Variants in IP6K3 observed in about 807,000 individuals in gnomAD.
IP6K3 encodes ATP:1D-myo-inositol-hexakisphosphate phosphotransferase.
IP6K3 carries 20 observed loss-of-function variants against 28.8 expected under a neutral mutation model. That is an observed-to-expected ratio of 0.70 (90% CI 0.49 to 1.01). The LOEUF is 1.01. IP6K3 is among the 50% of genes least tolerant of loss of function. IP6K3 has a pLI of 0.00. For synonymous variants in IP6K3, 213 were observed against 221.3 expected (o/e 0.96, Z 0.33); for missense variants, 480 against 537.1 (o/e 0.89, Z 1.05).
chr6:33,749,947 G>A (rs1054303026), upstream of IP6K3, among the ~76,000 whole-genome samples: 1 of 152,030 alleles, frequency 6.6e-6, no homozygotes, highest in Non-Finnish European at 1.5e-5. Flanking sequence ...GCCACCATTC[G>A]GAGGAGAAAA....
intron 2 of IP6K3, among the ~76,000 whole-genome samples, chr6:33,732,163 G>T (rs111672328): frequency 6.6e-6 from 1 of 152,240 alleles, no homozygotes; most frequent in Non-Finnish European, 1.5e-5. Flanking sequence ...CCGGCAGCCT[G>T]GCAGGAGAGG....
chr6:33,736,667 A>G (rs1318965854), intron 1 of IP6K3, among the ~76,000 whole-genome samples: 1 of 152,054 alleles, frequency 6.6e-6, no homozygotes, highest in Non-Finnish European at 1.5e-5. Context: ...TGGCCTCCCA[A>G]AGTGCTGGGA....
the IP6K3 span, among the ~76,000 whole-genome samples, chr6:33,757,962 A>G: frequency 2.0e-5 from 3 of 152,216 alleles, no homozygotes; most frequent in Admixed American, 1.3e-4. Flanking sequence ...CTCTCAGATA[A>G]TGCCCTCCAC....
At position 33,725,468 on chromosome 6, in the gene IP6K3, G is replaced by A; in HGVS notation, c.738C>T (p.Cys246=). 6.2e-7 allele frequency: 1 copy of A among 1,612,450 alleles called. No homozygotes were observed. The highest frequency in any genetic ancestry group is 8.5e-7 in the Non-Finnish European group (1 of 1,179,888). ...GCATGCCGCAGATGCGCACACCCAGGCAGGCTGAGGTGCTCTGCGCACACT... is the reference window on the plus strand; with the variant it reads ...GCATGCCGCAGATGCGCACACCCAGACAGGCTGAGGTGCTCTGCGCACACT... The part of the protein sequence containing the change: ...MRKCAQSTSA[C]LGVRICGMQV... The change falls in exon 5 of 6, where the codon TGC becomes TGT. Residue 246 remains cysteine (C), a synonymous_variant. Transcript: ENST00000293756.
intron 1 of IP6K3, among the ~76,000 whole-genome samples, chr6:33,736,915 G>GC (rs939190479): frequency 6.6e-6 from 1 of 152,210 alleles, no homozygotes; most frequent in African/African-American, 2.4e-5. Context: ...GGACAGCCCA[G>GC]CACCCAGAGC....
chr6:33,739,282 C>T (rs1168627447), intron 1 of IP6K3: 1 of 152,118 alleles, frequency 6.6e-6, no homozygotes, highest in Admixed American at 6.6e-5. Context: ...AAAAAGAAAA[C>T]CTGGACTTGG....
At chr6:33,740,839 C>T (rs552809018) in intron 1 of IP6K3, among the ~76,000 whole-genome samples, 86 of 152,278 alleles carry the variant, frequency 5.6e-4, no homozygotes, top group Non-Finnish European at 1.1e-3. Flanking sequence ...AGGTGGCAGA[C>T]GAAACCACAA....
intron 2 of IP6K3, among the ~76,000 whole-genome samples, chr6:33,732,414 C>T (rs894826693): frequency 2.6e-5 from 4 of 152,232 alleles, no homozygotes; most frequent in Non-Finnish European, 4.4e-5. Flanking sequence ...CTTGTGGCAG[C>T]CTTGTGGGGA....
In IP6K3 at chr6:33,742,220, T is replaced by C. The variant is rs1766751548; in HGVS notation, c.-180+4538A>G. Reference sequence around the variant, plus strand: ...CTGGGACTCGGCCGTGATGAGTCTGTCTCACTCTGAAGTCGACGCCCATTC... The same window carrying C: ...CTGGGACTCGGCCGTGATGAGTCTGCCTCACTCTGAAGTCGACGCCCATTC... On this transcript the variant is annotated intron_variant, in intron 1 of 5. Coordinates refer to ENST00000293756, the MANE Select transcript of IP6K3 (RefSeq NM_054111.5). The surrounding 1 kb of genome is among the most constrained non-coding windows in gnomAD (Gnocchi z 4.5). Among the ~76,000 whole-genome samples the C allele has an allele frequency of 6.6e-6, 1 of 152,118 alleles. No homozygotes were observed. The highest frequency in any genetic ancestry group is 6.5e-5 in the Admixed American group (1 of 15,276).
At chr6:33,730,444 C>G (rs948133388) in intron 2 of IP6K3, among the ~76,000 whole-genome samples, 1 of 152,224 alleles carries the variant, frequency 6.6e-6, no homozygotes, top group Non-Finnish European at 1.5e-5. Context: ...CCATCCCAGG[C>G]TCCCGTGTCC....
At chr6:33,747,523 A>T (rs1766947120), upstream of IP6K3, among the ~76,000 whole-genome samples, 1 of 152,170 alleles carries the variant, frequency 6.6e-6, no homozygotes, top group Admixed American at 6.5e-5. The surrounding 1 kb of genome is among the most constrained non-coding windows in gnomAD (Gnocchi z 5.2). Flanking sequence ...GACTTTGCAG[A>T]GAGTGAGGAG....
At chr6:33,747,672 AGGTG>A (rs1251209958), upstream of IP6K3, among the ~76,000 whole-genome samples, 16 of 121,624 alleles carry the variant, frequency 1.3e-4, no homozygotes, top group Non-Finnish European at 2.2e-4. The surrounding 1 kb of genome is among the most constrained non-coding windows in gnomAD (Gnocchi z 5.2). Context: ...GCCCAGAGGC[AGGTG>A]GGAGCAGGGT....
intron 2 of IP6K3, among the ~76,000 whole-genome samples, chr6:33,735,067 A>G (rs1766465466): frequency 6.6e-6 from 1 of 152,152 alleles, no homozygotes. Flanking sequence ...GCTAATTTAT[A>G]AGGAAACCAA....
At chr6:33,739,297 T>C (rs1412917594) in intron 1 of IP6K3, 3 of 152,030 alleles carry the variant, frequency 2.0e-5, no homozygotes, top group Admixed American at 6.6e-5. Flanking sequence ...ACTTGGCTGC[T>C]AGGGAAACTG....
At chr6:33,750,486 A>G (rs1431916334), upstream of IP6K3, among the ~76,000 whole-genome samples, 2 of 152,114 alleles carry the variant, frequency 1.3e-5, no homozygotes, top group Admixed American at 1.3e-4. This position sits in a 1 kb window ranked among gnomAD's most constrained non-coding sequence, Gnocchi z 4.3. Flanking sequence ...GCCCTTTCTG[A>G]CACAGTCCAC....
the IP6K3 span, among the ~76,000 whole-genome samples, chr6:33,759,734 G>C: frequency 6.6e-6 from 1 of 152,096 alleles, no homozygotes; most frequent in Non-Finnish European, 1.5e-5. Context: ...CTAGCTGGGC[G>C]TGGTGGCGGG....
chr6:33,722,311 G>A lies in IP6K3; in HGVS notation c.*409C>T, dbSNP rs1014495459. On this transcript the variant is annotated 3_prime_UTR_variant, in exon 6 of 6. Coordinates refer to ENST00000293756, the MANE Select transcript of IP6K3 (RefSeq NM_054111.5). Reference sequence around the variant, plus strand: ...ACAAGGAGAAAAACCATGAGCTCATGAACTCACTCTTCAAGGCTGCTTCAA... The same window carrying A: ...ACAAGGAGAAAAACCATGAGCTCATAAACTCACTCTTCAAGGCTGCTTCAA... The A allele has an allele frequency of 1.7e-5, 3 of 171,802 alleles. No homozygotes were observed. The highest frequency in any genetic ancestry group is 7.2e-5 in the African/African-American group (3 of 41,708). 10.6% of individuals were successfully genotyped at this position (171,802 alleles called of 1,614,324 possible).
chr6:33,739,096 C>G (rs1766631282), intron 1 of IP6K3: 1 of 152,278 alleles, frequency 6.6e-6, no homozygotes, highest in African/African-American at 2.4e-5. Context: ...CAACCTTCCC[C>G]TCTGATCTCA....
rs80289162 is a variant in IP6K3, at chr6:33,741,298, G to C, written c.-180+5460C>G. Reference sequence around the variant, plus strand: ...CAGCAGGACCTAGTCCATCCTGCCTGATGCACTAACTCACAGCCAGGCACC... The same window carrying C: ...CAGCAGGACCTAGTCCATCCTGCCTCATGCACTAACTCACAGCCAGGCACC... On this transcript the variant is annotated intron_variant, in intron 1 of 5. Transcript: ENST00000293756. Among the ~76,000 whole-genome samples, 58 of 152,296 alleles carry C rather than the reference G, an allele frequency of 3.8e-4. 2 individuals are homozygous for C. The East Asian group carries it at 0.011, about 29-fold the overall frequency.
Sources: allele counts gnomAD v4.1 joint callset (sites outside exome capture counted in the v4.1 genomes callset), GRCh38; gene constraint gnomAD v4.1.1; non-coding constraint Gnocchi (gnomAD v3.1); transcripts MANE v1.5; gene names NCBI Gene and HGNC (gene_info 2026-07-23, HGNC 2026-07-21).